ITGAX: variants seen among roughly 807,000 people sequenced by gnomAD.
ITGAX encodes integrin subunit alpha X.
In ITGAX, 99 loss-of-function variants were observed where a neutral mutation model predicts 140.2. That is an observed-to-expected ratio of 0.71 (90% CI 0.60 to 0.83). The LOEUF is 0.83. Ranked by LOEUF, ITGAX falls within the 40% of genes least tolerant of loss-of-function variation. The pLI is 0.00. For synonymous variants in ITGAX, 631 were observed against 600.4 expected (o/e 1.05, Z -0.75); for missense variants, 1,444 against 1,482.0 (o/e 0.97, Z 0.42).
intron 12 of ITGAX, 33 bp from the exon 13 acceptor site, chr16:31,362,902 G>A (rs1193316423): frequency 6.2e-7 from 1 of 1,610,550 alleles, no homozygotes; most frequent in East Asian, 2.2e-5. Flanking sequence ...CTCTGGCAGG[G>A]ACAGGCAGCA....
intron 8 of ITGAX, chr16:31,360,829 T>C (rs1446538530): frequency 1.9e-6 from 1 of 538,884 alleles, no homozygotes; most frequent in African/African-American, 1.9e-5. Flanking sequence ...CTTTCAAGGA[T>C]AGAAACACCA....
Position 31,355,940 on chromosome 16 carries a change from G to A in ITGAX, c.85G>A (p.Ala29Thr), listed in dbSNP as rs778823908. ...CAACTTGGACACAGAGGAGCTGACA[G>A]CCTTCCGTGTGGACAGCGCTGGGTT... ...GFNLDTEELT[A>T]FRVDSAGFGD... The change falls in exon 2 of 30, where the codon GCC (alanine) becomes ACC (threonine). Residue 29 changes from alanine to threonine, a missense_variant. By Grantham distance (58) the Ala-to-Thr change is moderately conservative. Coordinates refer to ENST00000268296, the MANE Select transcript of ITGAX (RefSeq NM_000887.5). 9.3e-6 allele frequency: 15 copies of A among 1,613,806 alleles called. No individual in the cohort carries two copies. The highest frequency in any genetic ancestry group is 1.7e-5 in the Admixed American group (1 of 59,988).
Position 31,373,331 on chromosome 16 carries a change from A to G in ITGAX, c.2449A>G (p.Thr817Ala). ...VWNDGEDSYG[T>A]TITFSHPAGL... Reference sequence around the variant, plus strand: ...GAATGACGGGGAAGACTCCTACGGAACCACCATCACCTTCTCCCACCCCGC... The same window carrying G: ...GAATGACGGGGAAGACTCCTACGGAGCCACCATCACCTTCTCCCACCCCGC... Residue 817 changes from threonine to alanine, a missense_variant, in exon 20 of 30, where the codon ACC (threonine) becomes GCC (alanine). Thr to Ala is a moderately conservative substitution (Grantham distance 58, BLOSUM62 0). Transcript: ENST00000268296. 1.2e-6 allele frequency: 2 copies of G among 1,613,708 alleles called. No individual in the cohort carries two copies. Among genetic ancestry groups the G allele is most frequent in the Non-Finnish European group, 1.7e-6 (2 of 1,179,976 alleles).
chr16:31,365,643 C>A (rs1406614884), intron 14 of ITGAX, among the ~76,000 whole-genome samples: 2 of 152,206 alleles, frequency 1.3e-5, no homozygotes, highest in Admixed American at 1.3e-4. Flanking sequence ...TAACAACTGG[C>A]CAGGCGCGGT....
chr16:31,371,962 G>T (rs1056460595), intron 17 of ITGAX, among the ~76,000 whole-genome samples, 178 bp downstream of exon 17: 2 of 152,194 alleles, frequency 1.3e-5, no homozygotes, highest in African/African-American at 2.4e-5. Context: ...CAAGTGATGA[G>T]ATCGGCTGCA....
intron 17 of ITGAX, among the ~76,000 whole-genome samples, chr16:31,372,170 G>GC (rs982216714): frequency 2.0e-5 from 3 of 151,814 alleles, no homozygotes; most frequent in Non-Finnish European, 2.9e-5. Flanking sequence ...AGGTCTGGGG[G>GC]GGGGGAGGAA....
At chr16:31,355,337 G>C in intron 1 of ITGAX, 46 bp downstream of exon 1, 1 of 1,606,970 alleles carries the variant, frequency 6.2e-7, no homozygotes, top group Non-Finnish European at 8.5e-7. Flanking sequence ...CCAGGCCCAA[G>C]GGAGCCAGGG....
intron 28 of ITGAX, 92 bp downstream of exon 28, chr16:31,380,716 GGGA>G (rs2081061492): frequency 6.6e-7 from 1 of 1,523,044 alleles, no homozygotes; most frequent in Non-Finnish European, 9.1e-7. Flanking sequence ...CAAGCCTTGG[GGGA>G]GGAGGGCGAA....
chr16:31,362,842 G>A, intron 12 of ITGAX, 89 bp downstream of exon 12: 1 of 1,606,562 alleles, frequency 6.2e-7, no homozygotes. Context: ...GAGGGCCTTG[G>A]GGGAGGTCCT....
At chr16:31,381,089 G>A (rs2081065424) in intron 29 of ITGAX, 82 bp downstream of exon 29, 2 of 1,094,772 alleles carry the variant, frequency 1.8e-6, no homozygotes, top group African/African-American at 1.5e-5. Context: ...CACTTTGAAG[G>A]CAGAGGCACA....
chr16:31,373,614 TC>T (rs1030615762), intron 20 of ITGAX, among the ~76,000 whole-genome samples: 2 of 152,224 alleles, frequency 1.3e-5, no homozygotes, highest in Admixed American at 1.3e-4. Context: ...TGCCCAAATT[TC>T]TTTCTATTCC....
In ITGAX at chr16:31,371,364, C is replaced by G; in HGVS notation, c.1872C>G (p.Ser624Arg). ...GACCTGTGCTCTGGGTGGGGGTGAG[C>G]ATGCAGTTCATACCTGCCGAGATCC... ...RTRPVLWVGV[S>R]MQFIPAEIPR... The change falls in exon 16 of 30, where the codon AGC becomes AGG. Residue 624 changes from serine (S) to arginine (R), a missense_variant. Coordinates refer to ENST00000268296, the MANE Select transcript of ITGAX (RefSeq NM_000887.5). 6.2e-7 allele frequency: 1 copy of G among 1,614,188 alleles called. No homozygotes were observed.
chr16:31,356,584 C>T (rs369539640), intron 2 of ITGAX, 41 bp from the exon 3 acceptor site: 52 of 1,413,236 alleles, frequency 3.7e-5, no homozygotes, highest in Admixed American at 5.9e-5. Flanking sequence ...TGTGCTGCAG[C>T]GTCCACACTC....
intron 23 of ITGAX, 45 bp from the exon 24 acceptor site, chr16:31,379,523 T>A: frequency 6.5e-7 from 1 of 1,533,622 alleles, no homozygotes; most frequent in South Asian, 1.2e-5. Flanking sequence ...CTTCTGCAGA[T>A]GCCCCATGGT....
At chr16:31,357,777 A>G in intron 5 of ITGAX, 1 of 414,144 alleles carries the variant, frequency 2.4e-6, no homozygotes, top group Non-Finnish European at 4.2e-6. Context: ...TTTGTGCCGT[A>G]GTTTAGGAAA....
At chr16:31,372,917 A>ACAACAG (rs1227431759) in intron 19 of ITGAX, among the ~76,000 whole-genome samples, 4 of 148,966 alleles carry the variant, frequency 2.7e-5, no homozygotes, top group Non-Finnish European at 5.9e-5. Context: ...CAAAAACAAA[A>ACAACAG]CAACAACAAC....
At chr16:31,365,559 A>G (rs982711906) in intron 14 of ITGAX, among the ~76,000 whole-genome samples, 6 of 152,230 alleles carry the variant, frequency 3.9e-5, no homozygotes, top group African/African-American at 1.2e-4. Context: ...TAAATGAGTT[A>G]GTATGCATGA....
intron 7 of ITGAX, 86 bp downstream of exon 7, chr16:31,360,151 C>A: frequency 6.4e-7 from 1 of 1,558,918 alleles, no homozygotes; most frequent in Non-Finnish European, 8.7e-7. Context: ...AGGGGACAGG[C>A]AGGGACCAAA....
chr16:31,380,170 T>G (rs2142532365), intron 26 of ITGAX, 96 bp from the exon 27 acceptor site: 1 of 1,522,234 alleles, frequency 6.6e-7, no homozygotes, highest in Non-Finnish European at 9.1e-7. Context: ...CCTCTTGCAT[T>G]CGGATATGGC....
Sources: allele counts gnomAD v4.1 joint callset (sites outside exome capture counted in the v4.1 genomes callset), GRCh38; gene constraint gnomAD v4.1.1; transcripts MANE v1.5; gene names NCBI Gene and HGNC (gene_info 2026-07-23, HGNC 2026-07-21).